Variants in DCDC1 observed in about 807,000 individuals in gnomAD.
The protein encoded by DCDC1 is doublecortin domain containing 1, also known as doublecortin domain-containing protein 1.
In DCDC1, 200 loss-of-function variants were observed where a neutral mutation model predicts 178.3. That is an observed-to-expected ratio of 1.12 (90% CI 1.00 to 1.26). DCDC1 has a LOEUF of 1.26. Among genes scored for constraint, DCDC1 ranks in the 50% most tolerant of loss-of-function variants. The probability of loss-of-function intolerance (pLI) is 0.00; values close to 1 mark genes in which losing one functional copy is unlikely to be tolerated. For synonymous variants in DCDC1, 690 were observed against 604.8 expected, an observed-to-expected ratio of 1.14 and a Z score of -2.07; for missense variants, 1,983 against 1,749.2, an observed-to-expected ratio of 1.13 and a Z score of -2.38.
intron 7 of DCDC1, among the ~76,000 whole-genome samples, chr11:31,289,665 ATT>A (rs1947082682): frequency 6.6e-6 from 1 of 152,062 alleles, no homozygotes; most frequent in Non-Finnish European, 1.5e-5. Flanking sequence ...TTAGGTGCAT[ATT>A]ATGAGTCTCA....
chr11:30,908,961 T>C lies in DCDC1; in HGVS notation c.3903A>G (p.Glu1301=). The part of the protein sequence containing the change: ...GVCTSSVIKE[E]NIDQPGYCYL... Reference sequence around the variant, plus strand: ...AACCACTTACTGGTTGATCAATGTTTTCTTCTTTAATCACAGATGATGTAC... The same window carrying C: ...AACCACTTACTGGTTGATCAATGTTCTCTTCTTTAATCACAGATGATGTAC... The change falls in exon 29 of 39, where the codon GAA becomes GAG. Residue 1301 remains glutamate (E), a synonymous_variant. Transcript: ENST00000684477. 1.9e-6 allele frequency: 3 copies of C among 1,601,698 alleles called. No homozygotes were observed. Among genetic ancestry groups the C allele is most frequent in the Non-Finnish European group, 2.6e-6 (3 of 1,173,204 alleles).
At chr11:31,157,410 C>CAT (rs1263923967) in intron 9 of DCDC1, among the ~76,000 whole-genome samples, 5 of 141,698 alleles carry the variant, frequency 3.5e-5, no homozygotes, top group African/African-American at 5.2e-5. Context: ...CACACACACA[C>CAT]ATATATATAC....
chr11:31,125,013 T>A (rs963213353), intron 11 of DCDC1, among the ~76,000 whole-genome samples: 15 of 152,080 alleles, frequency 9.9e-5, no homozygotes, highest in African/African-American at 3.6e-4. Context: ...TAGGAGAAAA[T>A]TTTTGCAATC....
Position 30,990,687 on chromosome 11 carries a change from A to G in DCDC1, c.2592-38119T>C, listed in dbSNP as rs551916151. On this transcript the variant is annotated intron_variant, in intron 20 of 38. Coordinates refer to ENST00000684477, the MANE Select transcript of DCDC1 (RefSeq NM_001387274.1). ...TAAGGTCTGAAGACATTTAGTTTACACTAATAACAAAGCACGTGTGTTTTA... is the reference window on the plus strand; with the variant it reads ...TAAGGTCTGAAGACATTTAGTTTACGCTAATAACAAAGCACGTGTGTTTTA... Among the ~76,000 whole-genome samples, 15 of 152,322 alleles carry G rather than the reference A, an allele frequency of 9.8e-5. No individual in the cohort carries two copies. The South Asian group carries it at 2.9e-3, about 29-fold the overall frequency.
intron 20 of DCDC1, among the ~76,000 whole-genome samples, chr11:31,047,372 G>A (rs1005359556): frequency 1.3e-5 from 2 of 152,014 alleles, no homozygotes; most frequent in African/African-American, 4.8e-5. Flanking sequence ...TTTTGTAAAT[G>A]TAACTACAAC....
intron 20 of DCDC1, among the ~76,000 whole-genome samples, chr11:31,036,631 AT>A (rs1032114245): frequency 5.3e-5 from 8 of 152,176 alleles, no homozygotes; most frequent in Non-Finnish European, 5.9e-5. Context: ...GTCCCTTGGT[AT>A]TCATGGTGGA....
At chr11:31,231,668 TCTC>T (rs1156647263) in intron 9 of DCDC1, among the ~76,000 whole-genome samples, 5 of 151,800 alleles carry the variant, frequency 3.3e-5, no homozygotes, top group Non-Finnish European at 7.4e-5. Flanking sequence ...AATAAGCCCT[TCTC>T]CTCCATAAAC....
intron 20 of DCDC1, among the ~76,000 whole-genome samples, chr11:30,958,580 G>A (rs1948901916): frequency 5.3e-5 from 8 of 152,088 alleles, no homozygotes; most frequent in Admixed American, 5.2e-4. Context: ...TAAGGTTGGG[G>A]TGTTATCCTA....
intron 1 of DCDC1, among the ~76,000 whole-genome samples, chr11:31,338,767 T>C (rs999480323): frequency 6.6e-6 from 1 of 152,172 alleles, no homozygotes. Context: ...GGAATAGCCA[T>C]GAATGCACCA....
intron 8 of DCDC1, among the ~76,000 whole-genome samples, chr11:31,242,621 C>T (rs777713694): frequency 2.6e-5 from 4 of 151,762 alleles, no homozygotes; most frequent in Admixed American, 6.6e-5. Context: ...AATAGATCAC[C>T]GGCAAAGAAA....
At chr11:30,915,944 C>G (rs1196755711) in intron 26 of DCDC1, among the ~76,000 whole-genome samples, 14 of 151,986 alleles carry the variant, frequency 9.2e-5, no homozygotes, top group Non-Finnish European at 2.1e-4. Flanking sequence ...AAATGTTTAC[C>G]AGGAGAATAT....
chr11:31,230,311 TG>T (rs1367658346), intron 9 of DCDC1, among the ~76,000 whole-genome samples: 1 of 151,752 alleles, frequency 6.6e-6, no homozygotes, highest in African/African-American at 2.4e-5. Flanking sequence ...TAATGCTGTA[TG>T]TTTTTTTACA....
Position 31,259,629 on chromosome 11 carries a change from C to A in DCDC1, c.1054+5878G>T, listed in dbSNP as rs11031333. On this transcript the variant is annotated intron_variant, in intron 8 of 38. Transcript: ENST00000684477. Reference sequence around the variant, plus strand: ...GAATTCTGGCTCTAAAATCAGGGAACTTAACCAACACTTTGTGCAGCCTCT... The same window carrying A: ...GAATTCTGGCTCTAAAATCAGGGAAATTAACCAACACTTTGTGCAGCCTCT... Among the ~76,000 whole-genome samples the A allele has an allele frequency of 7.7e-4, 117 of 152,300 alleles. 3 individuals are homozygous for A. The East Asian group carries it at 0.022, about 28-fold the overall frequency.
chr11:30,934,721 T>C (rs1304132166), intron 21 of DCDC1, among the ~76,000 whole-genome samples: 2 of 152,082 alleles, frequency 1.3e-5, no homozygotes, highest in African/African-American at 4.8e-5. Context: ...CAATATTCCA[T>C]CCTAAGGGAA....
chr11:31,277,170 G>T (rs1019694415), intron 7 of DCDC1, among the ~76,000 whole-genome samples: 33 of 151,918 alleles, frequency 2.2e-4, no homozygotes, highest in Admixed American at 8.5e-4. Context: ...CAATAATCTG[G>T]TTTTTTTCAC....
At chr11:30,897,416 C>T (rs542338947) in intron 34 of DCDC1, among the ~76,000 whole-genome samples, 1 of 151,930 alleles carries the variant, frequency 6.6e-6, no homozygotes, top group South Asian at 2.1e-4. Flanking sequence ...GTGAAACCCC[C>T]TCTCTACTAA....
chr11:31,102,524 T>G (rs1308730995), intron 14 of DCDC1, among the ~76,000 whole-genome samples: 1 of 152,198 alleles, frequency 6.6e-6, no homozygotes, highest in African/African-American at 2.4e-5. Context: ...CTGGCTGGAC[T>G]GAGTGATCTC....
Position 30,894,320 on chromosome 11 carries a change from C to T in DCDC1, c.4830G>A (p.Val1610=). The change falls in exon 35 of 39, where the codon GTG becomes GTA. Residue 1610 remains valine, a synonymous_variant. Coordinates refer to ENST00000684477, the MANE Select transcript of DCDC1 (RefSeq NM_001387274.1). ...GTTCGGTCCAGCCTCCTTCAACCACCACGGGCTGCACAGGGCTCTTGGTAG... is the reference window on the plus strand; with the variant it reads ...GTTCGGTCCAGCCTCCTTCAACCACTACGGGCTGCACAGGGCTCTTGGTAG... ...MVPTKSPVQP[V]VVEGGWTEQT... 1.9e-6 allele frequency: 3 copies of T among 1,613,850 alleles called. No individual in the cohort carries two copies. The highest frequency in any genetic ancestry group is 1.7e-6 in the Non-Finnish European group (2 of 1,179,814).
At chr11:31,058,018 C>G (rs976925367) in intron 20 of DCDC1, among the ~76,000 whole-genome samples, 2 of 152,094 alleles carry the variant, frequency 1.3e-5, no homozygotes, top group African/African-American at 4.8e-5. Context: ...CTGTCTTCCC[C>G]ATACTGAATC....
Sources: gnomAD v4.1 joint callset for allele counts (sites outside exome capture counted in the v4.1 genomes callset) on GRCh38, gnomAD v4.1.1 for gene constraint, MANE v1.5 for transcripts, NCBI Gene and HGNC (gene_info 2026-07-23, HGNC 2026-07-21) for gene names.